Variants in PCDHA10 observed in about 807,000 individuals in gnomAD.
PCDHA10 encodes the protein protocadherin alpha-10.
A neutral mutation model predicts 61.2 loss-of-function variants in PCDHA10; 45 were observed. That is an observed-to-expected ratio of 0.74 (90% CI 0.58 to 0.94). The LOEUF (loss-of-function observed/expected upper bound fraction) is 0.94. Ranked by LOEUF, PCDHA10 falls within the 40% of genes least tolerant of loss-of-function variation. PCDHA10 has a pLI of 0.00. For missense variants in PCDHA10, 1,278 were observed against 1,236.2 expected (o/e 1.03, Z -0.51); for synonymous variants, 602 against 548.8 (o/e 1.10, Z -1.35).
chr5:140,951,243 A>G (rs1192486913), intron 1 of PCDHA10, among the ~76,000 whole-genome samples: 3 of 152,172 alleles, frequency 2.0e-5, no homozygotes, highest in Non-Finnish European at 4.4e-5. Context: ...ACCTTTAGGA[A>G]TGCATCACAT....
chr5:140,978,845 T>C, intron 1 of PCDHA10, 104 bp from the exon 2 acceptor site: 7 of 1,569,708 alleles, frequency 4.5e-6, no homozygotes, highest in Non-Finnish European at 6.1e-6. Flanking sequence ...AATACTTTTT[T>C]AGATGCCTGG....
At chr5:140,979,354 A>G (rs1205411040) in intron 2 of PCDHA10, among the ~76,000 whole-genome samples, 1 of 151,576 alleles carries the variant, frequency 6.6e-6, no homozygotes. Context: ...ATTAATACTC[A>G]TGCTTTGAGA....
At chr5:140,911,189 A>T (rs1369810973) in intron 1 of PCDHA10, among the ~76,000 whole-genome samples, 1 of 152,126 alleles carries the variant, frequency 6.6e-6, no homozygotes, top group African/African-American at 2.4e-5. Flanking sequence ...TGGGTTGGGG[A>T]GGACATGTTG....
At chr5:140,876,539 C>T (rs1030865953) in intron 1 of PCDHA10, 5 of 1,614,170 alleles carry the variant, frequency 3.1e-6, no homozygotes, top group Admixed American at 1.7e-5. Flanking sequence ...ACTTCACTGT[C>T]GCTCCCTGTG....
At chr5:140,983,513 C>G (rs893446292) in intron 3 of PCDHA10, among the ~76,000 whole-genome samples, 1 of 152,196 alleles carries the variant, frequency 6.6e-6, no homozygotes, top group South Asian at 2.1e-4. Flanking sequence ...TGCCTAGACA[C>G]TGTGCCAAGT....
chr5:140,963,927 T>C (rs1439271741), intron 1 of PCDHA10, among the ~76,000 whole-genome samples: 1 of 152,220 alleles, frequency 6.6e-6, no homozygotes, highest in East Asian at 1.9e-4. Context: ...AAGTAACATG[T>C]CCATAGCCAA....
intron 2 of PCDHA10, among the ~76,000 whole-genome samples, chr5:140,981,165 T>C (rs1411910974): frequency 6.6e-6 from 1 of 152,250 alleles, no homozygotes; most frequent in Non-Finnish European, 1.5e-5. Flanking sequence ...ATATGTTGCC[T>C]TCCCTCTAAT....
chr5:140,946,631 T>TATATACACAC (rs57893927), intron 1 of PCDHA10, among the ~76,000 whole-genome samples: 7 of 131,846 alleles, frequency 5.3e-5, no homozygotes, highest in Non-Finnish European at 1.1e-4. Context: ...TATATATATA[T>TATATACACAC]ACAATGGAAT....
chr5:140,863,264 C>T (rs1432032847), intron 1 of PCDHA10: 3 of 1,454,794 alleles, frequency 2.1e-6, no homozygotes, highest in Non-Finnish European at 1.9e-6. Context: ...GTCCGGGAGG[C>T]AGCGCTGGTG....
intron 1 of PCDHA10, among the ~76,000 whole-genome samples, chr5:140,897,045 C>T (rs1362151452): frequency 3.3e-5 from 5 of 152,090 alleles, no homozygotes; most frequent in African/African-American, 9.7e-5. Context: ...TCACCCTATT[C>T]TGCTGTCAAA....
intron 1 of PCDHA10, among the ~76,000 whole-genome samples, chr5:140,936,813 T>C (rs1299896116): frequency 6.6e-6 from 1 of 152,216 alleles, no homozygotes; most frequent in Non-Finnish European, 1.5e-5. Flanking sequence ...TTAGCTATTT[T>C]TGGCCCTTTG....
At chr5:140,863,176 A>G (rs199525571) in intron 1 of PCDHA10, 25 of 723,868 alleles carry the variant, frequency 3.5e-5, no homozygotes, top group South Asian at 2.0e-4. Flanking sequence ...GCTGACTGCC[A>G]CCGTCACCGT....
At chr5:140,927,004 A>C (rs1194923615) in intron 1 of PCDHA10, 1 of 1,612,238 alleles carries the variant, frequency 6.2e-7, no homozygotes, top group Non-Finnish European at 8.5e-7. Flanking sequence ...AGCCGTAGGC[A>C]ATCTCTCCGC....
At chr5:140,994,657 A>G (rs2097643468) in intron 3 of PCDHA10, among the ~76,000 whole-genome samples, 1 of 152,166 alleles carries the variant, frequency 6.6e-6, no homozygotes, top group Non-Finnish European at 1.5e-5. Flanking sequence ...GTGAGCTGAG[A>G]TCACACTACT....
At chr5:140,935,732 A>G (rs933243274) in intron 1 of PCDHA10, among the ~76,000 whole-genome samples, 3 of 152,212 alleles carry the variant, frequency 2.0e-5, no homozygotes, top group African/African-American at 4.8e-5. Flanking sequence ...GAAGTCTAGT[A>G]TCTATTATTC....
At chr5:140,892,469 A>T (rs557049666) in intron 1 of PCDHA10, among the ~76,000 whole-genome samples, 1 of 152,184 alleles carries the variant, frequency 6.6e-6, no homozygotes, top group Admixed American at 6.5e-5. Context: ...ACGGTTATTC[A>T]GTTTCCTAGC....
chr5:140,970,373 C>T (rs1554232421), intron 1 of PCDHA10, among the ~76,000 whole-genome samples: 2 of 152,250 alleles, frequency 1.3e-5, no homozygotes, highest in East Asian at 1.9e-4. Context: ...GCTATAGCTT[C>T]AAAAGGCTGG....
Position 140,993,509 on chromosome 5 carries a change from CGGGGAGAGAG to C in PCDHA10, c.2536+10947_2536+10956del, listed in dbSNP as rs2097568307. Among the ~76,000 whole-genome samples, 3 of 143,488 alleles carry C rather than the reference CGGGGAGAGAG, an allele frequency of 2.1e-5. No homozygotes were observed. In the Admixed American group the frequency reaches 2.1e-4, roughly 10 times the overall value. 94.1% of individuals were successfully genotyped at this position (143,488 alleles called of 152,430 possible). A position where few individuals can be genotyped will look rare whatever the true frequency, so the allele number is the denominator to read the frequency against. On this transcript the variant is annotated intron_variant, in intron 3 of 3. Coordinates refer to ENST00000307360, the MANE Select transcript of PCDHA10 (RefSeq NM_018901.4). Reference sequence around the variant, plus strand: ...ACACACACACACACACACACACACACGGGGAGAGAGAGACAGAGAGAGAGAGAGATAGAGA... The same window carrying C: ...ACACACACACACACACACACACACACAGACAGAGAGAGAGAGAGATAGAGA...
chr5:140,993,267 T>C (rs1554253547), intron 3 of PCDHA10, among the ~76,000 whole-genome samples: 1 of 152,166 alleles, frequency 6.6e-6, no homozygotes, highest in Non-Finnish European at 1.5e-5. Context: ...ATTAGCTTCT[T>C]TGGTCTTTTC....
Sources: allele counts gnomAD v4.1 joint callset (sites outside exome capture counted in the v4.1 genomes callset), GRCh38; gene constraint gnomAD v4.1.1; transcripts MANE v1.5; gene names NCBI Gene and HGNC (gene_info 2026-07-23, HGNC 2026-07-21).